The following SCAMP2 variants were observed in gnomAD, a reference collection of about 807,000 sequenced individuals.
SCAMP2 encodes the protein secretory carrier membrane protein 2.
Under a neutral mutation model 44.1 loss-of-function variants are expected in SCAMP2, and 25 were observed. The observed-to-expected ratio is 0.57, with a 90% CI of 0.41 to 0.79. The LOEUF is 0.79. SCAMP2 is among the 30% of genes least tolerant of loss of function. The pLI is 0.00. For synonymous variants in SCAMP2, 156 were observed against 166.0 expected, an observed-to-expected ratio of 0.94 and a Z score of 0.46; for missense variants, 355 against 411.0, an observed-to-expected ratio of 0.86 and a Z score of 1.18.
chr15:74,859,347 C>G (rs2064487557), intron 1 of SCAMP2, among the ~76,000 whole-genome samples: 2 of 152,184 alleles, frequency 1.3e-5, no homozygotes, highest in Admixed American at 1.3e-4. Flanking sequence ...AATCTGGTAT[C>G]TGAGACAAGT....
rs1010256103 is a variant in SCAMP2 at position 74,851,295 on chromosome 15, G to A, written c.472+58C>T. ...GGGAGGAGCAGCCAGGACCAAGATG[G>A]GGCTCTCAAGTCACACCCAATTCGC... On this transcript the variant is annotated intron_variant, in intron 5 of 8. Transcript: ENST00000268099. 8.8e-6 allele frequency: 14 copies of A among 1,585,974 alleles called. No homozygotes were observed. The Admixed American group carries it at 1.2e-4, about 13-fold the overall frequency.
chr15:74,866,901 A>G (rs1596425268), intron 1 of SCAMP2, among the ~76,000 whole-genome samples: 2 of 149,664 alleles, frequency 1.3e-5, no homozygotes, highest in East Asian at 2.0e-4. Context: ...GGTTCAAGCG[A>G]TTCTCCTGCC....
At chr15:74,870,762 A>C (rs1003048937) in intron 1 of SCAMP2, among the ~76,000 whole-genome samples, 2 of 152,212 alleles carry the variant, frequency 1.3e-5, no homozygotes, top group African/African-American at 2.4e-5. Context: ...ACCAAGAAAG[A>C]AGCAAAACAT....
chr15:74,859,374 G>T (rs777050249), intron 1 of SCAMP2, among the ~76,000 whole-genome samples: 1 of 152,142 alleles, frequency 6.6e-6, no homozygotes, highest in Non-Finnish European at 1.5e-5. Flanking sequence ...CCCCTGAAGG[G>T]GTGCTGGGGA....
At chr15:74,859,464 G>T (rs1313487940) in intron 1 of SCAMP2, among the ~76,000 whole-genome samples, 1 of 152,136 alleles carries the variant, frequency 6.6e-6, no homozygotes, top group African/African-American at 2.4e-5. Flanking sequence ...GTTGTAGAAG[G>T]AAGACAGACA....
chr15:74,846,449 AAAAAAAAAAAAAAG>A (rs2064399849), intron 7 of SCAMP2, among the ~76,000 whole-genome samples: 1 of 90,360 alleles, frequency 1.1e-5, no homozygotes, highest in African/African-American at 2.9e-5. Flanking sequence ...CTGTCTCCAA[AAAAAAAAAAAAAAG>A]AAAAGAAAAA....
rs11017 is a variant in SCAMP2, at chr15:74,844,911, C to T, written c.*172G>A. ...TTTGTACATAGAGGGGGAAAAAATTCCCTGTCCCTCCCGTTCCAGGGAGAG... is the reference window on the plus strand; with the variant it reads ...TTTGTACATAGAGGGGGAAAAAATTTCCTGTCCCTCCCGTTCCAGGGAGAG... On this transcript the variant is annotated 3_prime_UTR_variant, in exon 9 of 9. Coordinates refer to ENST00000268099, the MANE Select transcript of SCAMP2 (RefSeq NM_005697.5). The T allele has an allele frequency of 0.017, 11,180 of 659,316 alleles. 175 individuals are homozygous for T. Among genetic ancestry groups the T allele is most frequent in the Non-Finnish European group, 0.019 (7,560 of 394,566 alleles). 40.8% of individuals were successfully genotyped at this position (659,316 alleles called of 1,614,324 possible).
chr15:74,853,991 GA>G lies in SCAMP2; in HGVS notation c.225+29del, dbSNP rs763318865. ...GTCTGGATGATTCCCTCACTGGAGA[GA>G]AAAGGCCAGAGTTCTTTGTCAGCAC... On this transcript the variant is annotated intron_variant, in intron 3 of 8. Coordinates refer to ENST00000268099, the MANE Select transcript of SCAMP2 (RefSeq NM_005697.5). 11 of 1,577,330 alleles carry G rather than the reference GA, an allele frequency of 7.0e-6. No homozygotes were observed. The South Asian group carries it at 1.2e-4, about 17-fold the overall frequency.
At position 74,862,283 on chromosome 15, in the gene SCAMP2, AAAAAAAT is replaced by A. The variant is rs1486272116; in HGVS notation, c.58-7641_58-7635del. Among the ~76,000 whole-genome samples, 68 of 130,698 alleles carry A rather than the reference AAAAAAAT, an allele frequency of 5.2e-4. 15 individuals carry two copies. The highest frequency in any genetic ancestry group is 2.8e-3 in the East Asian group (13 of 4,570). 85.7% of individuals were successfully genotyped at this position (130,698 alleles called of 152,430 possible). On this transcript the variant is annotated intron_variant, in intron 1 of 8. Transcript: ENST00000268099. ...GTCTCCAAAAAAAAAAAAAAAAAAA[AAAAAAAT>A]TCCTGGCCAGGTGCAATGGCTCACA... is the stretch of plus-strand genomic sequence containing the variant.
chr15:74,868,673 G>A (rs1393936816), intron 1 of SCAMP2, among the ~76,000 whole-genome samples: 1 of 152,118 alleles, frequency 6.6e-6, no homozygotes, highest in Non-Finnish European at 1.5e-5. Context: ...CTCCCGAGTA[G>A]CTGAGCCCAC....
intron 5 of SCAMP2, among the ~76,000 whole-genome samples, 197 bp from the exon 6 acceptor site, chr15:74,850,870 C>T (rs1021106255): frequency 9.9e-5 from 15 of 152,194 alleles, no homozygotes; most frequent in African/African-American, 3.1e-4. Flanking sequence ...GATCAAACTA[C>T]GTTCCTGAGA....
intron 1 of SCAMP2, among the ~76,000 whole-genome samples, chr15:74,867,710 A>G (rs2064552500): frequency 6.6e-6 from 1 of 152,240 alleles, no homozygotes; most frequent in East Asian, 1.9e-4. Flanking sequence ...CTTCCACAGG[A>G]GAGAAATATT....
chr15:74,861,938 A>G (rs1349364241), intron 1 of SCAMP2, among the ~76,000 whole-genome samples: 1 of 149,410 alleles, frequency 6.7e-6, no homozygotes, highest in East Asian at 2.0e-4. Flanking sequence ...AGAAAAGAAA[A>G]GAAAAGGCTT....
intron 1 of SCAMP2, among the ~76,000 whole-genome samples, chr15:74,856,501 C>A (rs1307950795): frequency 2.0e-5 from 3 of 151,834 alleles, no homozygotes; most frequent in Non-Finnish European, 4.4e-5. Context: ...TCTTGAACTC[C>A]TGGCCTCAGG....
intron 5 of SCAMP2, 91 bp downstream of exon 5, chr15:74,851,262 G>T (rs1302437253): frequency 1.4e-6 from 2 of 1,446,552 alleles, no homozygotes; most frequent in African/African-American, 1.4e-5. Context: ...CTGAAAGCCT[G>T]TATACCAGGG....
Position 74,844,635 on chromosome 15 carries a change from C to T in SCAMP2, c.*448G>A. ...CCAGAACCTGTGAGAGGCTTATTCC[C>T]AGCCCAGGCAGGAAGGACTGGGCTG... is the stretch of plus-strand genomic sequence containing the variant. On this transcript the variant is annotated 3_prime_UTR_variant, in exon 9 of 9. Coordinates refer to ENST00000268099, the MANE Select transcript of SCAMP2 (RefSeq NM_005697.5). 1 of 157,458 alleles carries T rather than the reference C, an allele frequency of 6.4e-6. No homozygotes were observed. The highest frequency in any genetic ancestry group is 6.1e-5 in the Admixed American group (1 of 16,382). 9.8% of individuals were successfully genotyped at this position (157,458 alleles called of 1,614,324 possible).
At chr15:74,845,957 A>C (rs1441018646) in intron 7 of SCAMP2, among the ~76,000 whole-genome samples, 1 of 152,124 alleles carries the variant, frequency 6.6e-6, no homozygotes, top group Non-Finnish European at 1.5e-5. Context: ...CAAGAGTTCA[A>C]GACCAACCTG....
At chr15:74,865,950 CGAAGGAAGGAAGGAAGGAAGGAAGGAAG>C (rs1173545052) in intron 1 of SCAMP2, among the ~76,000 whole-genome samples, 15,848 of 36,454 alleles carry the variant, frequency 0.43, 4,036 homozygotes, top group Non-Finnish European at 0.55. Context: ...GACTCTGTCT[CGAAGGAAGGAAGGAAGGAAGGAAGGAAG>C]GAAGGAAGGA....
chr15:74,853,421 G>A, intron 3 of SCAMP2: 1 of 456,346 alleles, frequency 2.2e-6, no homozygotes, highest in Non-Finnish European at 4.4e-6. Context: ...CCTCCTAGGA[G>A]CATCTGCCTC....
Sources: allele counts gnomAD v4.1 joint callset (sites outside exome capture counted in the v4.1 genomes callset), GRCh38; gene constraint gnomAD v4.1.1; transcripts MANE v1.5; gene names NCBI Gene and HGNC (gene_info 2026-07-23, HGNC 2026-07-21).